The following FSTL5 variants were observed in gnomAD, a reference collection of about 807,000 sequenced individuals.
The protein encoded by FSTL5 is follistatin-related protein 5.
FSTL5 carries 62 observed loss-of-function variants against 89.1 expected under a neutral mutation model. The ratio of observed to expected loss-of-function variants is 0.70; its 90% CI spans 0.57 to 0.86. The LOEUF (loss-of-function observed/expected upper bound fraction) is 0.86. Among genes scored for constraint, FSTL5 ranks in the 40% least tolerant of loss-of-function variants. FSTL5 has a pLI of 0.00. For synonymous variants in FSTL5, 383 were observed against 346.2 expected (o/e 1.11, Z -1.18); for missense variants, 1,057 against 1,001.6 (o/e 1.06, Z -0.75).
At chr4:161,656,647 T>TAA (rs1231718845) in intron 6 of FSTL5, among the ~76,000 whole-genome samples, 153 bp from the exon 7 acceptor site, 1 of 152,162 alleles carries the variant, frequency 6.6e-6, no homozygotes, top group African/African-American at 2.4e-5. Context: ...TTGTTTCCAA[T>TAA]AAAAGGTCAG....
chr4:161,548,460 G>C (rs1305953516), intron 8 of FSTL5, among the ~76,000 whole-genome samples: 1 of 151,916 alleles, frequency 6.6e-6, no homozygotes, highest in Non-Finnish European at 1.5e-5. Flanking sequence ...GAATTTTGAA[G>C]TGTTTAGGGG....
intron 4 of FSTL5, among the ~76,000 whole-genome samples, chr4:161,835,670 A>G (rs1489947072): frequency 1.3e-5 from 2 of 152,154 alleles, no homozygotes; most frequent in Non-Finnish European, 1.5e-5. Context: ...TCTCAAAAGA[A>G]GACATTTATG....
At chr4:162,026,439 CT>C (rs1041114918) in intron 3 of FSTL5, among the ~76,000 whole-genome samples, 5 of 151,474 alleles carry the variant, frequency 3.3e-5, no homozygotes, top group Non-Finnish European at 5.9e-5. Flanking sequence ...TCCTGAGTAG[CT>C]GGAATTACAG....
chr4:161,528,530 T>C (rs563393193), intron 10 of FSTL5, among the ~76,000 whole-genome samples: 21 of 142,980 alleles, frequency 1.5e-4, no homozygotes, highest in Non-Finnish European at 2.6e-4. Context: ...TCTGGGCTGT[T>C]GGCACAGAGT....
At chr4:161,640,666 T>G (rs1324381393) in intron 7 of FSTL5, among the ~76,000 whole-genome samples, 1 of 147,018 alleles carries the variant, frequency 6.8e-6, no homozygotes, top group Non-Finnish European at 1.5e-5. Context: ...GTCTACATGA[T>G]TTGTAGAATA....
At chr4:161,570,992 T>C (rs1309790936) in intron 8 of FSTL5, among the ~76,000 whole-genome samples, 1 of 151,870 alleles carries the variant, frequency 6.6e-6, no homozygotes, top group Non-Finnish European at 1.5e-5. Context: ...TGGGTGCATG[T>C]AGTCCCAGCT....
intron 7 of FSTL5, among the ~76,000 whole-genome samples, chr4:161,647,784 C>T (rs1255605471): frequency 6.6e-6 from 1 of 152,104 alleles, no homozygotes; most frequent in Non-Finnish European, 1.5e-5. Context: ...TCCTACAGAC[C>T]TAGGTGAGGA....
chr4:161,490,240 C>G (rs1043182097), intron 12 of FSTL5, among the ~76,000 whole-genome samples: 3 of 152,178 alleles, frequency 2.0e-5, no homozygotes, highest in Middle Eastern at 3.4e-3. Flanking sequence ...GAAGATGGAA[C>G]ATCCGATATA....
intron 4 of FSTL5, among the ~76,000 whole-genome samples, chr4:161,910,000 C>T (rs555493270): frequency 1.2e-4 from 19 of 152,138 alleles, no homozygotes; most frequent in Admixed American, 1.2e-3. Flanking sequence ...CTCTAATGAG[C>T]TTGGTATCTC....
chr4:161,527,157 C>T (rs1276676829), intron 10 of FSTL5, among the ~76,000 whole-genome samples: 6 of 152,116 alleles, frequency 3.9e-5, no homozygotes, highest in African/African-American at 1.2e-4. Context: ...AGGTCCTTCA[C>T]GTCCCTTGTA....
At chr4:161,584,480 C>G (rs570649063) in intron 8 of FSTL5, among the ~76,000 whole-genome samples, 1 of 152,104 alleles carries the variant, frequency 6.6e-6, no homozygotes, top group Non-Finnish European at 1.5e-5. Context: ...CTGGATTATT[C>G]CCATCAGCAT....
intron 2 of FSTL5, among the ~76,000 whole-genome samples, chr4:162,062,216 C>G (rs1738739829): frequency 6.6e-6 from 1 of 151,604 alleles, no homozygotes; most frequent in African/African-American, 2.4e-5. Context: ...AAATAAAAAC[C>G]AAGTTTGTAC....
chr4:161,504,948 TG>T (rs767076521), intron 11 of FSTL5, among the ~76,000 whole-genome samples: 2 of 152,066 alleles, frequency 1.3e-5, no homozygotes, highest in Non-Finnish European at 2.9e-5. Context: ...GATTTTGTGA[TG>T]TTTTTCTTCC....
intron 15 of FSTL5, among the ~76,000 whole-genome samples, chr4:161,430,386 A>T (rs905557491): frequency 3.3e-5 from 5 of 152,154 alleles, no homozygotes; most frequent in Non-Finnish European, 7.3e-5. Context: ...TATTCAAGTC[A>T]AAAAGGTTAT....
intron 2 of FSTL5, among the ~76,000 whole-genome samples, chr4:162,046,153 G>A (rs571557085): frequency 4.6e-5 from 7 of 152,164 alleles, no homozygotes; most frequent in Middle Eastern, 3.4e-3. Context: ...TATTTGGAAC[G>A]TACATGTCTA....
intron 7 of FSTL5, among the ~76,000 whole-genome samples, chr4:161,622,561 A>G (rs1398474464): frequency 6.6e-6 from 1 of 151,950 alleles, no homozygotes; most frequent in Admixed American, 6.6e-5. Flanking sequence ...ATATGTGTAT[A>G]TATATATATA....
chr4:161,422,716 T>C (rs1230733737), intron 15 of FSTL5, among the ~76,000 whole-genome samples: 1 of 151,796 alleles, frequency 6.6e-6, no homozygotes, highest in Non-Finnish European at 1.5e-5. Flanking sequence ...ACCTAAGTAC[T>C]ACTCTTCAAA....
At chr4:161,987,951 T>C (rs1205342111) in intron 3 of FSTL5, among the ~76,000 whole-genome samples, 1 of 129,728 alleles carries the variant, frequency 7.7e-6, no homozygotes, top group African/African-American at 3.0e-5. Context: ...AGAAAGTGAG[T>C]CTCAGAGAGG....
At chr4:162,132,616 CAG>C (rs757978183) in intron 1 of FSTL5, among the ~76,000 whole-genome samples, 4 of 152,144 alleles carry the variant, frequency 2.6e-5, no homozygotes, top group African/African-American at 7.2e-5. Context: ...CATTGTTCCT[CAG>C]AGTTTGGCAA....
Sources: allele counts gnomAD v4.1 joint callset (sites outside exome capture counted in the v4.1 genomes callset), GRCh38; gene constraint gnomAD v4.1.1; transcripts MANE v1.5; gene names NCBI Gene and HGNC (gene_info 2026-07-23, HGNC 2026-07-21).